LEKR1: variants seen among roughly 807,000 people sequenced by gnomAD.
LEKR1 encodes protein LEKR1.
LEKR1 carries 59 observed loss-of-function variants against 72.4 expected under a neutral mutation model. The ratio of observed to expected loss-of-function variants is 0.82; its 90% CI spans 0.66 to 1.01. The LOEUF is 1.01. Among genes scored for constraint, LEKR1 ranks in the 50% least tolerant of loss-of-function variants. The pLI is 0.00. For missense variants in LEKR1, 728 were observed against 759.2 expected (o/e 0.96, Z 0.48); for synonymous variants, 257 against 263.2 (o/e 0.98, Z 0.23).
intron 9 of LEKR1, among the ~76,000 whole-genome samples, chr3:157,010,187 TA>T (rs1732776404): frequency 1.3e-5 from 2 of 151,970 alleles, no homozygotes; most frequent in African/African-American, 4.8e-5. Context: ...TGATATTGTC[TA>T]TTTTTTTTTG....
At chr3:156,833,323 A>T (rs1712681051) in intron 2 of LEKR1, among the ~76,000 whole-genome samples, 1 of 152,206 alleles carries the variant, frequency 6.6e-6, no homozygotes, top group South Asian at 2.1e-4. Flanking sequence ...ATTCAAGAGC[A>T]CCTGTTAGAG....
chr3:157,037,288 T>A (rs559001212), intron 12 of LEKR1, among the ~76,000 whole-genome samples: 31 of 152,222 alleles, frequency 2.0e-4, no homozygotes, highest in Non-Finnish European at 4.0e-4. Context: ...AATGCTTTTT[T>A]CATTGTGAGT....
chr3:156,928,916 C>T (rs1461166764), intron 5 of LEKR1, among the ~76,000 whole-genome samples: 1 of 151,974 alleles, frequency 6.6e-6, no homozygotes, highest in African/African-American at 2.4e-5. Flanking sequence ...GTCTCTATAA[C>T]ATAACACCCA....
intron 6 of LEKR1, among the ~76,000 whole-genome samples, chr3:156,952,578 G>A (rs1489579102): frequency 6.6e-6 from 1 of 151,336 alleles, no homozygotes; most frequent in African/African-American, 2.4e-5. Flanking sequence ...ATAGCAGATT[G>A]GGTTGGTGAG....
chr3:157,044,049 G>C (rs1385805820), intron 12 of LEKR1, among the ~76,000 whole-genome samples: 3 of 152,198 alleles, frequency 2.0e-5, no homozygotes, highest in African/African-American at 7.2e-5. Context: ...AAAACAGGAA[G>C]ATACTACTGT....
intron 3 of LEKR1, among the ~76,000 whole-genome samples, chr3:156,898,867 T>C (rs9870137): frequency 0.84 from 128,437 of 152,138 alleles, 54,380 homozygotes; most frequent in African/African-American, 0.91. Flanking sequence ...TTCTTTTATC[T>C]GAAGCAAAAG....
intron 5 of LEKR1, among the ~76,000 whole-genome samples, chr3:156,935,614 G>A (rs1725623661): frequency 1.3e-5 from 2 of 152,104 alleles, no homozygotes; most frequent in South Asian, 2.1e-4. Flanking sequence ...TAAATTGAAT[G>A]TAATGTTTTT....
chr3:156,847,645 T>C (rs1168628106), intron 2 of LEKR1, among the ~76,000 whole-genome samples: 1 of 152,234 alleles, frequency 6.6e-6, no homozygotes, highest in Admixed American at 6.5e-5. Flanking sequence ...TTTTTTTCTA[T>C]AGCAGTTTTG....
intron 2 of LEKR1, among the ~76,000 whole-genome samples, chr3:156,834,158 T>C (rs980835460): frequency 4.0e-4 from 61 of 152,262 alleles, no homozygotes; most frequent in Middle Eastern, 3.4e-3. Context: ...CAGACCCCCA[T>C]AACTTTTTAT....
chr3:156,899,647 CAT>C lies in LEKR1; in HGVS notation c.264-20922_264-20921del, dbSNP rs753954019. Among the ~76,000 whole-genome samples, 34 of 124,028 alleles carry C rather than the reference CAT, an allele frequency of 2.7e-4. 2 individuals carry two copies. Among genetic ancestry groups the C allele is most frequent in the East Asian group, 1.5e-3 (7 of 4,692 alleles). The allele number at this position is 124,028 out of a possible 152,430, so 81.4% of individuals were successfully genotyped here. ...ACACATATATACACGCATATATACA[CAT>C]ATATACACGCATATATACACATATA... On this transcript the variant is annotated intron_variant, in intron 3 of 12. Coordinates refer to ENST00000356539, the MANE Select transcript of LEKR1 (RefSeq NM_001004316.3).
chr3:156,850,332 A>G (rs1214529522), intron 2 of LEKR1, among the ~76,000 whole-genome samples: 2 of 152,082 alleles, frequency 1.3e-5, no homozygotes, highest in African/African-American at 4.8e-5. Context: ...ATGCTCACAT[A>G]ATAGAATGGA....
intron 6 of LEKR1, among the ~76,000 whole-genome samples, chr3:156,957,113 G>A (rs932730018): frequency 6.6e-6 from 1 of 151,744 alleles, no homozygotes; most frequent in Non-Finnish European, 1.5e-5. Context: ...TTATTTTTGT[G>A]GAAAGATCAC....
At chr3:156,870,226 A>G (rs1358714272) in intron 3 of LEKR1, among the ~76,000 whole-genome samples, 2 of 151,886 alleles carry the variant, frequency 1.3e-5, no homozygotes, top group African/African-American at 2.4e-5. Flanking sequence ...ATTTTTTTCT[A>G]TCTCTGTGAA....
intron 7 of LEKR1, among the ~76,000 whole-genome samples, chr3:156,984,127 C>A (rs1293937481): frequency 2.0e-5 from 3 of 152,066 alleles, no homozygotes; most frequent in Non-Finnish European, 4.4e-5. Context: ...AAAAATGATC[C>A]CATTCATGCT....
At position 156,979,216 on chromosome 3, in the gene LEKR1, A is replaced by C. The variant is rs1729963150; in HGVS notation, c.768A>C (p.Ala256=). 7.8e-7 allele frequency: 1 copy of C among 1,284,556 alleles called. No individual in the cohort carries two copies. The highest frequency in any genetic ancestry group is 1.0e-6 in the Non-Finnish European group (1 of 983,138). The allele number at this position is 1,284,556 out of a possible 1,614,324, so 79.6% of individuals were successfully genotyped here. The change falls in exon 7 of 13, where the codon GCA becomes GCC. Residue 256 remains alanine, a synonymous_variant. Coordinates refer to ENST00000356539, the MANE Select transcript of LEKR1 (RefSeq NM_001004316.3). ...EVLDLQCLVE[A]LGLKLQKAVT... is the part of the protein sequence containing the mutation. ...CAGATTTACAATGTCTAGTAGAGGC[A>C]CTTGGATTAAAACTTCAGAAGGCGG...
chr3:157,029,443 G>T (rs1253061580), intron 12 of LEKR1, among the ~76,000 whole-genome samples: 2 of 152,090 alleles, frequency 1.3e-5, no homozygotes, highest in Non-Finnish European at 2.9e-5. Context: ...CAGACAGTTT[G>T]GTGGAGCCAA....
chr3:156,955,102 A>T (rs1264883254), intron 6 of LEKR1, among the ~76,000 whole-genome samples: 2 of 151,636 alleles, frequency 1.3e-5, no homozygotes, highest in Non-Finnish European at 3.0e-5. Context: ...TTAGGGTTTT[A>T]AAAATTTTTT....
At chr3:156,836,435 A>G (rs1315152328) in intron 2 of LEKR1, among the ~76,000 whole-genome samples, 3 of 152,240 alleles carry the variant, frequency 2.0e-5, no homozygotes, top group Non-Finnish European at 4.4e-5. Context: ...AAAAAAAACA[A>G]GATCCAAGAA....
chr3:156,968,105 TA>T (rs1456507872), intron 6 of LEKR1, among the ~76,000 whole-genome samples: 6 of 152,096 alleles, frequency 3.9e-5, no homozygotes, highest in African/African-American at 7.2e-5. Flanking sequence ...AGGCCTGCCC[TA>T]AAAGAGCTCC....
Sources: allele counts gnomAD v4.1 joint callset (sites outside exome capture counted in the v4.1 genomes callset), GRCh38; gene constraint gnomAD v4.1.1; transcripts MANE v1.5; gene names NCBI Gene and HGNC (gene_info 2026-07-23, HGNC 2026-07-21).